The following STXBP5L variants were observed in gnomAD, a reference collection of about 807,000 sequenced individuals.
STXBP5L encodes the protein syntaxin-binding protein 5-like.
In STXBP5L, 65 loss-of-function variants were observed where a neutral mutation model predicts 144.5. That is an observed-to-expected ratio of 0.45 (90% CI 0.37 to 0.55). The LOEUF is 0.55. Among genes scored for constraint, STXBP5L ranks in the 20% least tolerant of loss-of-function variants. The pLI, the probability that STXBP5L is intolerant of heterozygous loss-of-function variation, is 0.00. For missense variants in STXBP5L, 1,298 were observed against 1,405.5 expected, an observed-to-expected ratio of 0.92 and a Z score of 1.22; for synonymous variants, 505 against 469.6, an observed-to-expected ratio of 1.08 and a Z score of -0.97.
At position 121,041,733 on chromosome 3, in the gene STXBP5L, A is replaced by G. The variant is rs758697705; in HGVS notation, c.321A>G (p.Gln107=). Residue 107 remains glutamine (Q), a synonymous_variant, in exon 4 of 27, where the codon CAA becomes CAG. Transcript: ENST00000471454. ...GACCTGGTGTTGATTGCTATTGCCA[A>G]CATGAAAGTGGTGCAGCTGTCCTAC... The part of the protein sequence containing the change: ...LGRPGVDCYC[Q]HESGAAVLQL... 6.2e-7 allele frequency: 1 copy of G among 1,612,886 alleles called. No individual in the cohort carries two copies. Among genetic ancestry groups the G allele is most frequent in the South Asian group, 1.1e-5 (1 of 91,048 alleles).
At chr3:121,371,558 T>TGCCAGCACCAGCCTTTGAGC (rs1441687471) in intron 20 of STXBP5L, among the ~76,000 whole-genome samples, 1 of 151,788 alleles carries the variant, frequency 6.6e-6, no homozygotes, top group Admixed American at 6.6e-5. Context: ...AGGGTGCTGG[T>TGCCAGCACCAGCCTTTGAGC]AGGTACCAGA....
At chr3:121,135,479 T>A (rs1311780190) in intron 7 of STXBP5L, among the ~76,000 whole-genome samples, 1 of 152,134 alleles carries the variant, frequency 6.6e-6, no homozygotes, top group East Asian at 1.9e-4. Context: ...TTGCTGCAAC[T>A]ATATGGTCCC....
chr3:120,926,445 AT>A (rs1709637708), intron 2 of STXBP5L, among the ~76,000 whole-genome samples: 1 of 127,528 alleles, frequency 7.8e-6, no homozygotes, highest in Non-Finnish European at 1.7e-5. Flanking sequence ...TTTTTATGTT[AT>A]TTGCGTATTT....
At chr3:121,282,304 G>A (rs2051087320) in intron 19 of STXBP5L, 5 of 1,611,730 alleles carry the variant, frequency 3.1e-6, no homozygotes, top group South Asian at 1.1e-5. Context: ...CTTTTATCCT[G>A]ATTTAACGAA....
chr3:121,099,745 A>G (rs1333478883), intron 5 of STXBP5L: 4 of 152,700 alleles, frequency 2.6e-5, no homozygotes, highest in Non-Finnish European at 4.4e-5. Context: ...AATTTAAGGA[A>G]TGTGGAAAAG....
At chr3:121,158,322 A>T (rs1231515568) in intron 9 of STXBP5L, 2 of 152,176 alleles carry the variant, frequency 1.3e-5, no homozygotes, top group Admixed American at 6.5e-5. Context: ...GTAATAATAG[A>T]TATGTCAGAA....
chr3:120,950,981 G>C (rs7431221), intron 2 of STXBP5L, among the ~76,000 whole-genome samples: 72,014 of 151,654 alleles, frequency 0.47, 17,708 homozygotes, highest in African/African-American at 0.56. Context: ...CAGAACAGAG[G>C]CCTCAGAAAT....
intron 2 of STXBP5L, among the ~76,000 whole-genome samples, chr3:120,937,979 A>G (rs1710356481): frequency 6.6e-6 from 1 of 152,116 alleles, no homozygotes; most frequent in African/African-American, 2.4e-5. Flanking sequence ...TGAGTGTTTA[A>G]GATGTATCCA....
chr3:120,964,533 A>C (rs1576505766), intron 3 of STXBP5L, among the ~76,000 whole-genome samples: 1 of 152,250 alleles, frequency 6.6e-6, no homozygotes. Context: ...TTATTTACCC[A>C]GTAGTCAGTC....
At chr3:121,344,675 T>A (rs1358853594) in intron 20 of STXBP5L, among the ~76,000 whole-genome samples, 1 of 151,346 alleles carries the variant, frequency 6.6e-6, no homozygotes, top group African/African-American at 2.4e-5. Flanking sequence ...AAAGAGGAGG[T>A]TAAAGTACCC....
chr3:121,350,501 G>A (rs141197210), intron 20 of STXBP5L, among the ~76,000 whole-genome samples: 2,265 of 152,112 alleles, frequency 0.015, 21 homozygotes, highest in Middle Eastern at 0.037. Flanking sequence ...TTTGAATATT[G>A]GCCTGTCTTG....
At chr3:121,000,890 C>T (rs180941045) in intron 3 of STXBP5L, among the ~76,000 whole-genome samples, 11 of 152,182 alleles carry the variant, frequency 7.2e-5, no homozygotes. Flanking sequence ...CATGGCTCAA[C>T]TCAGCACTCT....
chr3:121,291,782 C>T (rs569594457), intron 19 of STXBP5L, among the ~76,000 whole-genome samples: 22 of 151,986 alleles, frequency 1.4e-4, no homozygotes, highest in South Asian at 6.2e-4. Flanking sequence ...ATCAACAAAG[C>T]GAACAATAAT....
intron 20 of STXBP5L, among the ~76,000 whole-genome samples, chr3:121,351,855 T>C (rs1035762244): frequency 2.6e-5 from 4 of 152,164 alleles, no homozygotes. Flanking sequence ...TGAATGAATT[T>C]TTGTATAAGG....
chr3:121,028,752 A>G (rs1337769896), intron 3 of STXBP5L, among the ~76,000 whole-genome samples: 2 of 152,104 alleles, frequency 1.3e-5, no homozygotes, highest in Non-Finnish European at 2.9e-5. Flanking sequence ...TGCAGTGGCT[A>G]TATCCTCACT....
At chr3:121,167,386 A>T (rs1262823703) in intron 9 of STXBP5L, among the ~76,000 whole-genome samples, 1 of 152,200 alleles carries the variant, frequency 6.6e-6, no homozygotes, top group Admixed American at 6.5e-5. Flanking sequence ...AATAGAAAAT[A>T]AAGATATTTT....
chr3:121,265,609 A>G (rs920682540), intron 18 of STXBP5L, among the ~76,000 whole-genome samples: 4 of 152,198 alleles, frequency 2.6e-5, no homozygotes. Flanking sequence ...GAAGAAAAGA[A>G]ATAACTAAAA....
At chr3:121,139,918 A>C (rs2045424146) in intron 7 of STXBP5L, among the ~76,000 whole-genome samples, 1 of 152,102 alleles carries the variant, frequency 6.6e-6, no homozygotes, top group Admixed American at 6.6e-5. Context: ...TGTCAACTAT[A>C]CATTCAAGAG....
At chr3:121,332,428 G>C (rs1431910388) in intron 20 of STXBP5L, among the ~76,000 whole-genome samples, 1 of 134,224 alleles carries the variant, frequency 7.5e-6, no homozygotes, top group Non-Finnish European at 1.6e-5. Context: ...AAAAAAACCA[G>C]AACTTCTGGA....
Sources: gnomAD v4.1 joint callset for allele counts (sites outside exome capture counted in the v4.1 genomes callset) on GRCh38, gnomAD v4.1.1 for gene constraint, MANE v1.5 for transcripts, NCBI Gene and HGNC (gene_info 2026-07-23, HGNC 2026-07-21) for gene names.